Variants in ZDHHC3 observed in about 807,000 individuals in gnomAD.
The protein encoded by ZDHHC3 is zDHHC palmitoyltransferase 3, also known as palmitoyltransferase ZDHHC3.
ZDHHC3 carries 9 observed loss-of-function variants against 30.6 expected under a neutral mutation model. That is an observed-to-expected ratio of 0.29 (90% CI 0.18 to 0.51). ZDHHC3 has a LOEUF of 0.51. Among genes scored for constraint, ZDHHC3 ranks in the 20% least tolerant of loss-of-function variants. ZDHHC3 has a pLI of 0.97. For synonymous variants in ZDHHC3, 136 were observed against 140.2 expected (o/e 0.97, Z 0.21); for missense variants, 246 against 384.2 (o/e 0.64, Z 3.01).
chr3:44,920,820 G>A lies in ZDHHC3; in HGVS notation c.*5869C>T. ...CATAAAGTATTCCAGACAGAGCCTG[G>A]CCTGTCTACCAGAGGTCTTCAGCAG... On this transcript the variant is annotated 3_prime_UTR_variant, in exon 7 of 7. Coordinates refer to ENST00000424952, the MANE Select transcript of ZDHHC3 (RefSeq NM_001135179.2). 1 of 985,388 alleles carries A rather than the reference G, an allele frequency of 1.0e-6. No homozygotes were observed. Among genetic ancestry groups the A allele is most frequent in the Non-Finnish European group, 1.2e-6 (1 of 829,930 alleles). The allele number at this position is 985,388 out of a possible 1,614,324, so 61.0% of individuals were successfully genotyped here.
At position 44,922,721 on chromosome 3, in the gene ZDHHC3, CTGCTG is replaced by C. The variant is rs1184766231; in HGVS notation, c.*3963_*3967del. ...ACCTGGAGGGCTGTTAAGACACGGG[CTGCTG>C]GGCCCCGCTCGGTTTCTGGTTCGGT... On this transcript the variant is annotated 3_prime_UTR_variant, in exon 7 of 7. Coordinates refer to ENST00000424952, the MANE Select transcript of ZDHHC3 (RefSeq NM_001135179.2). 1 of 984,818 alleles carries C rather than the reference CTGCTG, an allele frequency of 1.0e-6. No homozygotes were observed. Among genetic ancestry groups the C allele is most frequent in the Non-Finnish European group, 1.2e-6 (1 of 829,544 alleles). The allele number at this position is 984,818 out of a possible 1,614,324, so 61.0% of individuals were successfully genotyped here.
rs1000178920 is a variant in ZDHHC3, at chr3:44,922,626, G to C, written c.*4063C>G. On this transcript the variant is annotated 3_prime_UTR_variant, in exon 7 of 7. Coordinates refer to ENST00000424952, the MANE Select transcript of ZDHHC3 (RefSeq NM_001135179.2). The stretch of plus-strand genomic sequence containing the variant: ...CACACAAGACCCATATCACCAGCAG[G>C]CATCAGGGACCACCTGAGGGGGGAC... 16 of 985,190 alleles carry C rather than the reference G, an allele frequency of 1.6e-5. No homozygotes were observed. Among genetic ancestry groups the C allele is most frequent in the Non-Finnish European group, 1.9e-5 (16 of 829,916 alleles). 61.0% of individuals were successfully genotyped at this position (985,190 alleles called of 1,614,324 possible). A position where few individuals can be genotyped will look rare whatever the true frequency, so the allele number is the denominator to read the frequency against.
chr3:44,929,380 C>T lies in ZDHHC3; in HGVS notation c.667G>A (p.Glu223Lys). The T allele has an allele frequency of 6.2e-7, 1 of 1,614,126 alleles. No homozygotes were observed. Among genetic ancestry groups the T allele is most frequent in the South Asian group, 1.1e-5 (1 of 91,072 alleles). The change falls in exon 6 of 7, where the codon GAG (glutamate) becomes AAG (lysine). Residue 223 changes from glutamate to lysine, a missense_variant. Glu to Lys is a moderately conservative substitution (Grantham distance 56, BLOSUM62 1). Transcript: ENST00000424952. The part of the protein sequence containing the change: ...TVILLILLCF[E>K]GLLFLIFTSV... ...GTGAAAATGAGGAAGAGCAGGCCCT[C>T]AAAGCACAGCAGGATAAGGAGAATC...
At position 44,925,417 on chromosome 3, in the gene ZDHHC3, A is replaced by G. The variant is rs906528428; in HGVS notation, c.*1272T>C. On this transcript the variant is annotated 3_prime_UTR_variant, in exon 7 of 7. Coordinates refer to ENST00000424952, the MANE Select transcript of ZDHHC3 (RefSeq NM_001135179.2). ...GAGAATTCCCCGATGGTCAATAATC[A>G]TATTTGTTATTTTTGCACTTGGAGG... The G allele has an allele frequency of 9.1e-6, 9 of 985,498 alleles. No individual in the cohort carries two copies. Among genetic ancestry groups the G allele is most frequent in the African/African-American group, 1.7e-5 (1 of 57,246 alleles). 61.0% of individuals were successfully genotyped at this position (985,498 alleles called of 1,614,324 possible).
chr3:44,959,131 G>A lies in ZDHHC3; in HGVS notation c.306C>T (p.Pro102=), dbSNP rs537411137. The change falls in exon 2 of 7, where the codon CCC becomes CCT. Residue 102 remains proline (P), a splice_region_variant and synonymous_variant. Transcript: ENST00000424952. This position sits in a 1 kb window ranked among gnomAD's most constrained non-coding sequence, Gnocchi z 4.3. ...TCAAAACAAGCCCAGACATACTCACGGGGTCCGTCAGCATGGCCCGGCAGT... is the reference window on the plus strand; with the variant it reads ...TCAAAACAAGCCCAGACATACTCACAGGGTCCGTCAGCATGGCCCGGCAGT... ...ASHCRAMLTD[P]GAVPKGNATK... The A allele has an allele frequency of 5.0e-6, 8 of 1,614,016 alleles. No homozygotes were observed. Among genetic ancestry groups the A allele is most frequent in the Middle Eastern group, 1.7e-4 (1 of 6,046 alleles).
At chr3:44,950,263 C>G (rs895261778) in intron 2 of ZDHHC3, among the ~76,000 whole-genome samples, 2 of 152,180 alleles carry the variant, frequency 1.3e-5, no homozygotes, top group Non-Finnish European at 1.5e-5. Flanking sequence ...ACATCCTTTC[C>G]CCCAAGGACA....
chr3:44,932,981 A>G, intron 5 of ZDHHC3, 137 bp downstream of exon 5: 3 of 1,614,152 alleles, frequency 1.9e-6, no homozygotes, highest in South Asian at 2.2e-5. Context: ...TTCCCTGTTC[A>G]GTCCATAGGC....
chr3:44,923,075 A>AT lies in ZDHHC3; in HGVS notation c.*3613dup. ...TGCCAACCTCACATACATGTTTAAA[A>AT]TGTTTGTTTTTTTTTTTTGAGACGG... On this transcript the variant is annotated 3_prime_UTR_variant, in exon 7 of 7. Coordinates refer to ENST00000424952, the MANE Select transcript of ZDHHC3 (RefSeq NM_001135179.2). 1 of 964,024 alleles carries AT rather than the reference A, an allele frequency of 1.0e-6. No individual in the cohort carries two copies. The highest frequency in any genetic ancestry group is 2.0e-5 in the African/African-American group (1 of 49,738). The allele number at this position is 964,024 out of a possible 1,614,324, so 59.7% of individuals were successfully genotyped here. A position where few individuals can be genotyped will look rare whatever the true frequency, so the allele number is the denominator to read the frequency against.
At chr3:44,945,024 C>T in intron 3 of ZDHHC3, 144 bp downstream of exon 3, 1 of 1,224,018 alleles carries the variant, frequency 8.2e-7, no homozygotes, top group Non-Finnish European at 1.2e-6. Flanking sequence ...TCACTCTCTG[C>T]CCAGAGCAGG....
intron 2 of ZDHHC3, among the ~76,000 whole-genome samples, chr3:44,956,850 G>A (rs1419492307): frequency 3.3e-5 from 5 of 152,032 alleles, no homozygotes; most frequent in Admixed American, 2.6e-4. Flanking sequence ...GAAGGCTGCC[G>A]GCTGCACTTA....
chr3:44,927,654 T>C (rs906442764), intron 6 of ZDHHC3, among the ~76,000 whole-genome samples: 1 of 152,248 alleles, frequency 6.6e-6, no homozygotes, highest in East Asian at 1.9e-4. Context: ...CTGCTTCCCC[T>C]GCTAAGTCTC....
intron 2 of ZDHHC3, among the ~76,000 whole-genome samples, chr3:44,946,759 G>C (rs1357705529): frequency 6.6e-6 from 1 of 152,164 alleles, no homozygotes; most frequent in Admixed American, 6.5e-5. Context: ...GCATATCTGG[G>C]AGACAGGGAG....
At position 44,959,326 on chromosome 3, in the gene ZDHHC3, C is replaced by A; in HGVS notation, c.111G>T (p.Trp37Cys). Reference protein sequence around the residue: ...PPYPGPVGTMWFIRDGCGIAC... With the variant: ...PPYPGPVGTMCFIRDGCGIAC... ...CGATGCCACAGCCGTCACGGATAAA[C>A]CACATGGTTCCCACAGGACCAGGGT... Residue 37 changes from tryptophan (W) to cysteine (C), a missense_variant, in exon 2 of 7, where the codon TGG (tryptophan) becomes TGT (cysteine). Physicochemically the swap from Trp to Cys is radical, Grantham distance 215. Coordinates refer to ENST00000424952, the MANE Select transcript of ZDHHC3 (RefSeq NM_001135179.2). The surrounding 1 kb of genome is among the most constrained non-coding windows in gnomAD (Gnocchi z 4.3). The A allele has an allele frequency of 6.2e-7, 1 of 1,614,258 alleles. No individual in the cohort carries two copies. Among genetic ancestry groups the A allele is most frequent in the East Asian group, 2.2e-5 (1 of 44,886 alleles).
intron 1 of ZDHHC3, among the ~76,000 whole-genome samples, chr3:44,970,343 T>C (rs1705308013): frequency 6.6e-6 from 1 of 152,090 alleles, no homozygotes; most frequent in Non-Finnish European, 1.5e-5. Context: ...GCTTTGGAAA[T>C]AGATGGGAGG....
At chr3:44,960,005 T>C (rs1274787843) in intron 1 of ZDHHC3, among the ~76,000 whole-genome samples, 1 of 152,196 alleles carries the variant, frequency 6.6e-6, no homozygotes, top group African/African-American at 2.4e-5. Flanking sequence ...TCAAGTTATC[T>C]GCCCACCTCG....
chr3:44,935,016 G>A (rs1333167280), intron 3 of ZDHHC3, among the ~76,000 whole-genome samples: 1 of 151,192 alleles, frequency 6.6e-6, no homozygotes, highest in East Asian at 1.9e-4. Flanking sequence ...AAGCTTATTT[G>A]ATAGCAAGCA....
intron 2 of ZDHHC3, 95 bp from the exon 3 acceptor site, chr3:44,945,387 A>C: frequency 6.5e-7 from 1 of 1,530,706 alleles, no homozygotes; most frequent in Non-Finnish European, 9.0e-7. Context: ...CAGCAACCAC[A>C]CACACACATG....
Position 44,923,558 on chromosome 3 carries a change from T to C in ZDHHC3, c.*3131A>G, listed in dbSNP as rs374940676. On this transcript the variant is annotated 3_prime_UTR_variant, in exon 7 of 7. Transcript: ENST00000424952. ...GGCTCACGCCTGTAATCCCAGGACT[T>C]TGGGAGGCTAAGGCAGGAAAATTGC... 9 of 984,434 alleles carry C rather than the reference T, an allele frequency of 9.1e-6. No individual in the cohort carries two copies. In the African/African-American group the frequency reaches 1.4e-4, roughly 15 times the overall value. The allele number at this position is 984,434 out of a possible 1,614,324, so 61.0% of individuals were successfully genotyped here. A position where few individuals can be genotyped will look rare whatever the true frequency, so the allele number is the denominator to read the frequency against.
chr3:44,959,401 A>G lies in ZDHHC3; in HGVS notation c.36T>C (p.Ile12=). The change falls in exon 2 of 7, where the codon ATT becomes ATC. Residue 12 remains isoleucine (I), a synonymous_variant. Transcript: ENST00000424952. The surrounding 1 kb of genome is among the most constrained non-coding windows in gnomAD (Gnocchi z 4.3). ...GCTGGAGGTATTCTGGTTTCCGCTC[A>G]ATGTTTCGGAAGTGGTGGGTGGGGA... ...MLIPTHHFRN[I]ERKPEYLQPE... The G allele has an allele frequency of 3.1e-6, 5 of 1,614,176 alleles. No homozygotes were observed. Among genetic ancestry groups the G allele is most frequent in the Non-Finnish European group, 4.2e-6 (5 of 1,180,000 alleles).
Sources: allele counts gnomAD v4.1 joint callset (sites outside exome capture counted in the v4.1 genomes callset), GRCh38; gene constraint gnomAD v4.1.1; non-coding constraint Gnocchi (gnomAD v3.1); transcripts MANE v1.5; gene names NCBI Gene and HGNC (gene_info 2026-07-23, HGNC 2026-07-21).